Variants in TOX observed in about 807,000 individuals in gnomAD.
TOX encodes the protein thymocyte selection associated high mobility group box, also known as thymocyte selection-associated high mobility group box protein TOX.
TOX carries 11 observed loss-of-function variants against 53.7 expected under a neutral mutation model. The observed-to-expected ratio is 0.20, with a 90% CI of 0.13 to 0.34. TOX has a LOEUF of 0.34. Among genes scored for constraint, TOX ranks in the 10% least tolerant of loss-of-function variants. The pLI, the probability that TOX is intolerant of heterozygous loss-of-function variation, is 1.00. For synonymous variants in TOX, 225 were observed against 245.3 expected (o/e 0.92, Z 0.77); for missense variants, 570 against 664.6 (o/e 0.86, Z 1.56).
chr8:59,082,899 G>A (rs533974147), intron 1 of TOX, among the ~76,000 whole-genome samples: 21 of 152,224 alleles, frequency 1.4e-4, no homozygotes, highest in Middle Eastern at 3.4e-3. Flanking sequence ...GAGAAGCACC[G>A]TATATTTATC....
chr8:58,807,817 C>T, intron 8 of TOX, 34 bp from the exon 9 acceptor site: 8 of 1,613,582 alleles, frequency 5.0e-6, no homozygotes, highest in African/African-American at 2.7e-5. Context: ...TTCCTTGTTA[C>T]AGGACAACCT....
At chr8:58,845,893 G>C (rs940238691) in intron 4 of TOX, among the ~76,000 whole-genome samples, 1 of 152,014 alleles carries the variant, frequency 6.6e-6, no homozygotes, top group Admixed American at 6.6e-5. Context: ...AGATCCACTT[G>C]ATCTTTTCTA....
chr8:58,821,316 C>T (rs1368412581), intron 6 of TOX, among the ~76,000 whole-genome samples: 1 of 151,936 alleles, frequency 6.6e-6, no homozygotes, highest in African/African-American at 2.4e-5. Context: ...TCTATACCTA[C>T]TAATACTAAA....
In TOX at chr8:59,035,505, CTG is replaced by C. The variant is rs1339386781; in HGVS notation, c.103-75499_103-75498del. On this transcript the variant is annotated intron_variant, in intron 1 of 8. Coordinates refer to ENST00000361421, the MANE Select transcript of TOX (RefSeq NM_014729.3). ...TCCTCTGTGTCAGCCTCCAAAGTAA[CTG>C]GGGACTACAAGTGCATCGACGCCCG... is the stretch of plus-strand genomic sequence containing the variant. Among the ~76,000 whole-genome samples, 4 of 152,186 alleles carry C rather than the reference CTG, an allele frequency of 2.6e-5. No homozygotes were observed. In the East Asian group the frequency reaches 7.7e-4, roughly 29 times the overall value.
chr8:58,914,637 C>G (rs984277398), intron 3 of TOX, among the ~76,000 whole-genome samples: 2 of 152,166 alleles, frequency 1.3e-5, no homozygotes, highest in Non-Finnish European at 2.9e-5. Context: ...CCTTCTCCCC[C>G]ACAAAAACTT....
At chr8:59,008,517 G>A (rs1285803119) in intron 1 of TOX, among the ~76,000 whole-genome samples, 2 of 152,224 alleles carry the variant, frequency 1.3e-5, no homozygotes, top group African/African-American at 2.4e-5. Flanking sequence ...GGAGGTCCAC[G>A]TGGCAGGCCA....
chr8:58,864,713 T>A (rs1218198568), intron 3 of TOX, among the ~76,000 whole-genome samples: 1 of 152,168 alleles, frequency 6.6e-6, no homozygotes, highest in African/African-American at 2.4e-5. Flanking sequence ...AAGCATGTTT[T>A]CTAGAAGGGA....
intron 1 of TOX, among the ~76,000 whole-genome samples, chr8:59,010,891 T>C (rs1813892758): frequency 6.6e-6 from 1 of 152,206 alleles, no homozygotes; most frequent in Admixed American, 6.5e-5. Context: ...TTCTGTGATA[T>C]GGCTCAGGTT....
At position 59,092,319 on chromosome 8, in the gene TOX, A is replaced by ATTATATATAATATATTATATATACAT. The variant is rs11433613; in HGVS notation, c.102+26566_102+26567insATGTATATATAATATATTATATATAA. On this transcript the variant is annotated intron_variant, in intron 1 of 8. Transcript: ENST00000361421. The stretch of plus-strand genomic sequence containing the variant: ...TATATATATTATATATTATATATAC[A>ATTATATATAATATATTATATATACAT]TATATATATTATATATTATATATAC... Among the ~76,000 whole-genome samples, 4 of 87,814 alleles carry ATTATATATAATATATTATATATACAT rather than the reference A, an allele frequency of 4.6e-5. No individual in the cohort carries two copies. In the African/African-American group the frequency reaches 7.0e-4, roughly 15 times the overall value. The allele number at this position is 87,814 out of a possible 152,430, so 57.6% of individuals were successfully genotyped here. A position where few individuals can be genotyped will look rare whatever the true frequency, so the allele number is the denominator to read the frequency against.
chr8:58,936,876 C>G (rs182480322), intron 3 of TOX, among the ~76,000 whole-genome samples: 5 of 152,120 alleles, frequency 3.3e-5, no homozygotes, highest in African/African-American at 1.2e-4. Context: ...TGGGTGAATG[C>G]GGCTACTTAA....
At chr8:58,819,922 A>G (rs939841665) in intron 6 of TOX, among the ~76,000 whole-genome samples, 2 of 152,222 alleles carry the variant, frequency 1.3e-5, no homozygotes, top group African/African-American at 4.8e-5. Context: ...GCACCTACTC[A>G]ATTGTGCATT....
In TOX at chr8:58,923,423, A is replaced by T. The variant is rs566961059; in HGVS notation, c.411+15879T>A. Among the ~76,000 whole-genome samples, 7 of 152,312 alleles carry T rather than the reference A, an allele frequency of 4.6e-5. No homozygotes were observed. In the South Asian group the frequency reaches 1.5e-3, roughly 32 times the overall value. On this transcript the variant is annotated intron_variant, in intron 3 of 8. Transcript: ENST00000361421. ...ATAAGATGAACGAAGGATGAATCCC[A>T]GGTTTTTGGGCCAAGCATCTGGGAG...
chr8:58,956,451 G>T (rs1182066854), intron 2 of TOX, among the ~76,000 whole-genome samples: 1 of 152,116 alleles, frequency 6.6e-6, no homozygotes, highest in Non-Finnish European at 1.5e-5. Flanking sequence ...TAGATTTAGG[G>T]TGTACAACAT....
chr8:58,937,733 T>C (rs868610471), intron 3 of TOX, among the ~76,000 whole-genome samples: 7 of 152,296 alleles, frequency 4.6e-5, no homozygotes, highest in Admixed American at 2.0e-4. Context: ...ATCTCACTCC[T>C]ACCATGGGGA....
chr8:58,857,157 A>G (rs982504023), intron 3 of TOX, among the ~76,000 whole-genome samples: 4 of 152,212 alleles, frequency 2.6e-5, no homozygotes, highest in African/African-American at 9.6e-5. Flanking sequence ...TGGTACAATT[A>G]GAATTGATGA....
At chr8:59,063,290 A>C (rs116698149) in intron 1 of TOX, among the ~76,000 whole-genome samples, 1 of 152,194 alleles carries the variant, frequency 6.6e-6, no homozygotes, top group East Asian at 1.9e-4. Context: ...CAAACATTAT[A>C]GGTTAAGAGC....
At chr8:59,036,769 T>G (rs1303362632) in intron 1 of TOX, among the ~76,000 whole-genome samples, 1 of 152,226 alleles carries the variant, frequency 6.6e-6, no homozygotes, top group Non-Finnish European at 1.5e-5. Context: ...ATTTGGGGTA[T>G]GTGTGTATGT....
chr8:58,934,862 C>T (rs911658327), intron 3 of TOX, among the ~76,000 whole-genome samples: 3 of 152,150 alleles, frequency 2.0e-5, no homozygotes, highest in Non-Finnish European at 2.9e-5. Context: ...TCCTGAACCC[C>T]GTGAGGTAAG....
Position 58,920,499 on chromosome 8 carries a change from T to C in TOX, c.411+18803A>G, listed in dbSNP as rs1237063890. On this transcript the variant is annotated intron_variant, in intron 3 of 8. Coordinates refer to ENST00000361421, the MANE Select transcript of TOX (RefSeq NM_014729.3). ...GCATATTCTCACTCATAGGTGGGAA[T>C]TGAACAATGAGATCACATGGACACA... Among the ~76,000 whole-genome samples the C allele has an allele frequency of 4.6e-5, 3 of 64,912 alleles. No homozygotes were observed. In the Admixed American group the frequency reaches 5.4e-4, roughly 12 times the overall value. 42.6% of individuals were successfully genotyped at this position (64,912 alleles called of 152,430 possible).
Sources: allele counts gnomAD v4.1 joint callset (sites outside exome capture counted in the v4.1 genomes callset), GRCh38; gene constraint gnomAD v4.1.1; transcripts MANE v1.5; gene names NCBI Gene and HGNC (gene_info 2026-07-23, HGNC 2026-07-21).